Variants in BRF1 observed in about 807,000 individuals in gnomAD.
BRF1 encodes the protein BRF1 general transcription factor IIIB subunit.
A neutral mutation model predicts 81.7 loss-of-function variants in BRF1; 59 were observed. The ratio of observed to expected loss-of-function variants is 0.72; its 90% confidence interval spans 0.59 to 0.90. The LOEUF is 0.90. Among genes scored for constraint, BRF1 ranks in the 40% least tolerant of loss-of-function variants. The pLI is 0.00. For missense variants in BRF1, 1,050 were observed against 936.3 expected (o/e 1.12, Z -1.58); for synonymous variants, 491 against 395.6 (o/e 1.24, Z -2.86).
chr14:105,308,178 G>T (rs931180667), intron 1 of BRF1, among the ~76,000 whole-genome samples: 1 of 149,270 alleles, frequency 6.7e-6, no homozygotes, highest in African/African-American at 2.5e-5. Flanking sequence ...GTGAGACTCT[G>T]TCCCCCCCAA....
At chr14:105,248,426 C>T in intron 5 of BRF1, 3 of 985,336 alleles carry the variant, frequency 3.0e-6, no homozygotes, top group Non-Finnish European at 3.6e-6. Flanking sequence ...CTCTGCACAG[C>T]GCGCGGCTCG....
At chr14:105,262,752 A>C (rs975585156) in intron 3 of BRF1, among the ~76,000 whole-genome samples, 1 of 152,174 alleles carries the variant, frequency 6.6e-6, no homozygotes, top group African/African-American at 2.4e-5. Flanking sequence ...ACACACATGC[A>C]ACCAGGCACA....
chr14:105,290,498 G>A (rs943408005), intron 1 of BRF1, among the ~76,000 whole-genome samples: 3 of 152,178 alleles, frequency 2.0e-5, no homozygotes, highest in Non-Finnish European at 4.4e-5. Context: ...TTATAGCCAC[G>A]TTTCCCTGCC....
intron 5 of BRF1, chr14:105,247,582 C>T (rs1176901783): frequency 1.0e-5 from 10 of 985,328 alleles, no homozygotes; most frequent in Non-Finnish European, 1.2e-5. Context: ...ACAACTGTAA[C>T]GACCACAGAG....
At chr14:105,242,055 G>T (rs1214340989) in intron 5 of BRF1, 1 of 152,686 alleles carries the variant, frequency 6.5e-6, no homozygotes, top group Non-Finnish European at 1.5e-5. Flanking sequence ...ATGAGGCCGG[G>T]ATGTGACTCC....
intron 3 of BRF1, among the ~76,000 whole-genome samples, chr14:105,265,440 C>G (rs1244413883): frequency 2.6e-5 from 4 of 152,148 alleles, no homozygotes; most frequent in African/African-American, 9.7e-5. Context: ...CAAATCCAAA[C>G]ACAAAAATAT....
At position 105,210,706 on chromosome 14, in the gene BRF1, AG is replaced by A; in HGVS notation, c.1997-119del. ...AGACTCAGGCTCCAGCCCCAGCCCCAGCCCCCCGCGCCCCGCCAGGAGCCAT... is the reference window on the plus strand; with the variant it reads ...AGACTCAGGCTCCAGCCCCAGCCCCACCCCCCGCGCCCCGCCAGGAGCCAT... On this transcript the variant is annotated intron_variant, in intron 17 of 17. Coordinates refer to ENST00000547530, the MANE Select transcript of BRF1 (RefSeq NM_001519.4). The surrounding 1 kb of genome is among the most constrained non-coding windows in gnomAD (Gnocchi z 4.7). 1.0e-6 allele frequency: 1 copy of A among 985,352 alleles called. No homozygotes were observed. The allele number at this position is 985,352 out of a possible 1,614,324, so 61.0% of individuals were successfully genotyped here. A position where few individuals can be genotyped will look rare whatever the true frequency, so the allele number is the denominator to read the frequency against.
intron 15 of BRF1, among the ~76,000 whole-genome samples, chr14:105,216,011 C>A (rs957470699): frequency 1.4e-5 from 2 of 145,746 alleles, no homozygotes; most frequent in Non-Finnish European, 3.0e-5. Context: ...TGCACACACA[C>A]GCTGCAGGCA....
chr14:105,290,346 G>A (rs1201558495), intron 1 of BRF1, among the ~76,000 whole-genome samples: 1 of 152,290 alleles, frequency 6.6e-6, no homozygotes, highest in South Asian at 2.1e-4. Context: ...TTGAACCTGG[G>A]AGGCAGAGGT....
At chr14:105,214,860 A>G (rs762786489) in intron 15 of BRF1, among the ~76,000 whole-genome samples, 30 of 152,196 alleles carry the variant, frequency 2.0e-4, no homozygotes, top group Non-Finnish European at 3.8e-4. Context: ...CCTCTTTCCA[A>G]GTGGTCCAAA....
rs2140572715 is a variant in BRF1 at position 105,299,467 on chromosome 14, C to A, written c.184+979G>T. Among the ~76,000 whole-genome samples the A allele has an allele frequency of 2.0e-5, 3 of 152,070 alleles. 1 individual carries two copies. The highest frequency in any genetic ancestry group is 4.4e-5 in the Non-Finnish European group (3 of 67,984). Reference sequence around the variant, plus strand: ...GCATGCACCTGTAGTCTCAGCTACTCAGGAGGTTGAGGCAGGAGAATTGCC... The same window carrying A: ...GCATGCACCTGTAGTCTCAGCTACTAAGGAGGTTGAGGCAGGAGAATTGCC... On this transcript the variant is annotated intron_variant, in intron 1 of 17. Transcript: ENST00000547530.
At chr14:105,301,437 G>A (rs1289940844), upstream of BRF1, among the ~76,000 whole-genome samples, 1 of 151,934 alleles carries the variant, frequency 6.6e-6, no homozygotes, top group Non-Finnish European at 1.5e-5. Context: ...GAGGCGAGGG[G>A]GCCGAGCGTG....
chr14:105,271,033 C>T lies in BRF1; in HGVS notation c.439+1688G>A, dbSNP rs764825555. ...TGAGAAGATGCCACACTCAGGAAGA[C>T]GGGAGATTATAAAAAAGATTCGGAA... is the stretch of plus-strand genomic sequence containing the variant. On this transcript the variant is annotated intron_variant, in intron 3 of 17. Transcript: ENST00000547530. The surrounding 1 kb of genome is among the most constrained non-coding windows in gnomAD (Gnocchi z 5.5). Among the ~76,000 whole-genome samples, 15 of 151,974 alleles carry T rather than the reference C, an allele frequency of 9.9e-5. No individual in the cohort carries two copies. Among genetic ancestry groups the T allele is most frequent in the Admixed American group, 5.9e-4 (9 of 15,248 alleles).
At chr14:105,247,207 C>G in intron 5 of BRF1, 1 of 985,500 alleles carries the variant, frequency 1.0e-6, no homozygotes, top group Non-Finnish European at 1.2e-6. Flanking sequence ...CATCCACACA[C>G]TTTCTCTCGG....
intron 2 of BRF1, among the ~76,000 whole-genome samples, chr14:105,273,214 C>T (rs2056734510): frequency 6.6e-6 from 1 of 152,194 alleles, no homozygotes; most frequent in African/African-American, 2.4e-5. Flanking sequence ...TTGGTTTGGG[C>T]TGGCTGGCAG....
In BRF1 at chr14:105,272,816, T is replaced by A; in HGVS notation, c.344A>T (p.Lys115Met). 1 of 1,614,042 alleles carries A rather than the reference T, an allele frequency of 6.2e-7. No homozygotes were observed. The highest frequency in any genetic ancestry group is 8.5e-7 in the Non-Finnish European group (1 of 1,180,006). Residue 115 changes from lysine (K) to methionine (M), a missense_variant, in exon 3 of 18, where the codon AAG (lysine) becomes ATG (methionine). Physicochemically the swap from Lys to Met is moderately conservative, Grantham distance 95. This residue lies in a region of BRF1 where 1,043 missense variants were observed against 915.4 expected (regional missense o/e 1.14). Coordinates refer to ENST00000547530, the MANE Select transcript of BRF1 (RefSeq NM_001519.4). ...GGTCAGGTGCCTGCTCACGGCCATC[T>A]TGAAGAAGTTGAAGGCGGTGTCCAG... ...HCLDTAFNFF[K>M]MAVSRHLTRG...
intron 5 of BRF1, among the ~76,000 whole-genome samples, chr14:105,244,532 G>A (rs10129154): frequency 0.034 from 5,229 of 151,596 alleles, 301 homozygotes; most frequent in African/African-American, 0.12. Flanking sequence ...GGGCAGCGGC[G>A]GCACGGTGGG....
At position 105,209,579 on chromosome 14, in the gene BRF1, C is replaced by T. The variant is rs587748226; in HGVS notation, c.*972G>A. The T allele has an allele frequency of 8.5e-6, 6 of 702,698 alleles. No homozygotes were observed. Among genetic ancestry groups the T allele is most frequent in the East Asian group, 2.7e-5 (1 of 37,274 alleles). 43.5% of individuals were successfully genotyped at this position (702,698 alleles called of 1,614,324 possible). On this transcript the variant is annotated 3_prime_UTR_variant, in exon 18 of 18. Transcript: ENST00000547530. ...GCCATGCCAGAGCTGAGACCTCCTA[C>T]GAGTGGTACTGGGGCCTTCCCACGA...
In BRF1 at chr14:105,300,791, G is replaced by A; in HGVS notation, c.-162C>T. ...TCGCAGCCGCAGATTCGCCGCGCGC[G>A]CCCGGGCCGCGCCGCCCGCAACGGC... is the stretch of plus-strand genomic sequence containing the variant. On this transcript the variant is annotated 5_prime_UTR_variant, in exon 1 of 18. Transcript: ENST00000547530. 1 of 381,678 alleles carries A rather than the reference G, an allele frequency of 2.6e-6. No individual in the cohort carries two copies. The highest frequency in any genetic ancestry group is 3.8e-6 in the Non-Finnish European group (1 of 260,368). 23.6% of individuals were successfully genotyped at this position (381,678 alleles called of 1,614,324 possible). A position where few individuals can be genotyped will look rare whatever the true frequency, so the allele number is the denominator to read the frequency against.
Sources: gnomAD v4.1 joint callset for allele counts (sites outside exome capture counted in the v4.1 genomes callset) on GRCh38, gnomAD v4.1.1 for gene constraint, gnomAD v4.1.1 regional missense constraint, Gnocchi (gnomAD v3.1) non-coding constraint, MANE v1.5 for transcripts, NCBI Gene and HGNC (gene_info 2026-07-23, HGNC 2026-07-21) for gene names.